The following SNAP91 variants were observed in gnomAD, a reference collection of about 807,000 sequenced individuals.
SNAP91 encodes clathrin coat assembly protein AP180.
Under a neutral mutation model 100.3 loss-of-function variants are expected in SNAP91, and 27 were observed. The observed-to-expected ratio is 0.27, with a 90% confidence interval of 0.20 to 0.37. The LOEUF (loss-of-function observed/expected upper bound fraction) is 0.37, where lower values mean the gene tolerates loss of function less well. Among genes scored for constraint, SNAP91 ranks in the 10% least tolerant of loss-of-function variants. SNAP91 has a pLI of 1.00. For missense variants in SNAP91, 986 were observed against 1,123.7 expected (o/e 0.88, Z 1.75); for synonymous variants, 404 against 398.6 (o/e 1.01, Z -0.16).
chr6:83,556,125 A>G lies in SNAP91; in HGVS notation c.*10+18T>C. The G allele has an allele frequency of 1.5e-6, 2 of 1,375,908 alleles. No homozygotes were observed. The highest frequency in any genetic ancestry group is 2.0e-6 in the Non-Finnish European group (2 of 987,130). The allele number at this position is 1,375,908 out of a possible 1,614,324, so 85.2% of individuals were successfully genotyped here. A position where few individuals can be genotyped will look rare whatever the true frequency, so the allele number is the denominator to read the frequency against. On this transcript the variant is annotated intron_variant, in intron 29 of 29. Coordinates refer to ENST00000369694, the MANE Select transcript of SNAP91 (RefSeq NM_001242792.2). The stretch of plus-strand genomic sequence containing the variant: ...GCTCATTATTACAAGCCTACAGGAA[A>G]AGCTCAATATTAGATACCTTAAATT...
intron 2 of SNAP91, among the ~76,000 whole-genome samples, chr6:83,676,832 A>G (rs2098913370): frequency 6.6e-6 from 1 of 152,172 alleles, no homozygotes; most frequent in Admixed American, 6.6e-5. Flanking sequence ...TTAATAGTTC[A>G]GGTGAGTGGT....
Position 83,610,675 on chromosome 6 carries a change from G to A in SNAP91, c.887C>T (p.Ser296Phe). ...EGKKPGNNEG[S>F]GAPSPLSKSS... ...CTTACTTAATGGAGAGGGAGCACCA[G>A]ATCTAAAAGGCAACATAAAAAAAAA... is the stretch of plus-strand genomic sequence containing the variant. The change falls in exon 12 of 30, where the codon TCT (serine) becomes TTT (phenylalanine). Residue 296 changes from serine (S) to phenylalanine (F), a missense_variant and splice_region_variant. Transcript: ENST00000369694. The A allele has an allele frequency of 1.9e-6, 1 of 524,796 alleles. No individual in the cohort carries two copies. Among genetic ancestry groups the A allele is most frequent in the East Asian group, 3.2e-5 (1 of 31,364 alleles). 32.5% of individuals were successfully genotyped at this position (524,796 alleles called of 1,614,324 possible). A position where few individuals can be genotyped will look rare whatever the true frequency, so the allele number is the denominator to read the frequency against.
intron 24 of SNAP91, among the ~76,000 whole-genome samples, chr6:83,578,168 T>C (rs967697344): frequency 6.6e-6 from 1 of 152,176 alleles, no homozygotes; most frequent in African/African-American, 2.4e-5. Flanking sequence ...TGAATAACAA[T>C]ACTATAAACA....
chr6:83,673,702 T>A (rs1254936916), intron 2 of SNAP91, among the ~76,000 whole-genome samples: 1 of 152,172 alleles, frequency 6.6e-6, no homozygotes, highest in Admixed American at 6.5e-5. Context: ...TGACAGACAT[T>A]AACATTGCCT....
Position 83,556,172 on chromosome 6 carries a change from T to A in SNAP91, c.2705A>T (p.Asn902Ile). 1 of 1,566,330 alleles carries A rather than the reference T, an allele frequency of 6.4e-7. No individual in the cohort carries two copies. The highest frequency in any genetic ancestry group is 1.9e-5 in the Admixed American group (1 of 52,776). Residue 902 changes from asparagine to isoleucine, a missense_variant, in exon 29 of 30, where the codon AAC becomes ATC. Physicochemically the swap from Asn to Ile is moderately radical, Grantham distance 149. This residue lies in a region of SNAP91 where 71 missense variants were observed against 68.5 expected (regional missense o/e 1.04). Coordinates refer to ENST00000369694, the MANE Select transcript of SNAP91 (RefSeq NM_001242792.2). The stretch of plus-strand genomic sequence containing the variant: ...AATTGTTTACAAGAAATCCTTGATG[T>A]TAAGATCCGCTAATGGGTCCTTTGC... ...PPAKDPLADL[N>I]IKDFL
At chr6:83,672,733 C>G (rs1294791405) in intron 2 of SNAP91, among the ~76,000 whole-genome samples, 1 of 152,016 alleles carries the variant, frequency 6.6e-6, no homozygotes, top group African/African-American at 2.4e-5. Flanking sequence ...ATATTATAGG[C>G]CAATTCTCTC....
At chr6:83,661,374 C>T in intron 5 of SNAP91, 128 bp downstream of exon 5, 1 of 555,150 alleles carries the variant, frequency 1.8e-6, no homozygotes, top group Non-Finnish European at 3.2e-6. Flanking sequence ...TATTGAGTTC[C>T]TTTTTTTAGG....
At chr6:83,621,373 C>T (rs1037732191) in intron 9 of SNAP91, among the ~76,000 whole-genome samples, 4 of 152,052 alleles carry the variant, frequency 2.6e-5, no homozygotes, top group South Asian at 2.1e-4. Flanking sequence ...ATTTATGTGG[C>T]GCTTAAGGTC....
At chr6:83,673,483 A>T (rs958332593) in intron 2 of SNAP91, among the ~76,000 whole-genome samples, 2 of 152,176 alleles carry the variant, frequency 1.3e-5, no homozygotes, top group African/African-American at 4.8e-5. Flanking sequence ...GTTGTTTATA[A>T]GCATCTAGTC....
intron 8 of SNAP91, among the ~76,000 whole-genome samples, chr6:83,626,361 T>A (rs779117365): frequency 6.6e-6 from 1 of 152,118 alleles, no homozygotes; most frequent in Non-Finnish European, 1.5e-5. Context: ...TGGCTTCATA[T>A]AAATTTAGAA....
intron 26 of SNAP91, among the ~76,000 whole-genome samples, chr6:83,567,637 C>T (rs1388044415): frequency 6.6e-6 from 1 of 152,112 alleles, no homozygotes; most frequent in Non-Finnish European, 1.5e-5. Context: ...CCTCAAAGAA[C>T]TCAAACAAAT....
chr6:83,620,149 C>T (rs1052683412), intron 9 of SNAP91, among the ~76,000 whole-genome samples: 4 of 152,110 alleles, frequency 2.6e-5, no homozygotes, highest in East Asian at 1.9e-4. Context: ...AAAAGATATC[C>T]ATTAAATTCA....
chr6:83,697,572 A>G (rs2129030637), intron 2 of SNAP91, among the ~76,000 whole-genome samples: 1 of 152,234 alleles, frequency 6.6e-6, no homozygotes, highest in East Asian at 1.9e-4. Flanking sequence ...TTTTCCCCAG[A>G]TTAAATCGTT....
At position 83,601,480 on chromosome 6, in the gene SNAP91, A is replaced by C. The variant is rs374939276; in HGVS notation, c.1157-42T>G. The C allele has an allele frequency of 4.3e-6, 7 of 1,612,942 alleles. No individual in the cohort carries two copies. In the African/African-American group the frequency reaches 8.0e-5, roughly 18 times the overall value. ...ACAGAGAGCAAACGGAGAGAAGAAA[A>C]GCAAAGGACAAAAGATATACCAGAC... On this transcript the variant is annotated intron_variant, in intron 15 of 29. Coordinates refer to ENST00000369694, the MANE Select transcript of SNAP91 (RefSeq NM_001242792.2).
At chr6:83,623,438 A>T in intron 8 of SNAP91, 96 bp from the exon 9 acceptor site, 1 of 813,368 alleles carries the variant, frequency 1.2e-6, no homozygotes, top group Non-Finnish European at 2.0e-6. Flanking sequence ...AAACAGCTCA[A>T]TATTGGTGTA....
intron 3 of SNAP91, 105 bp downstream of exon 3, chr6:83,665,334 C>T: frequency 8.9e-7 from 1 of 1,122,576 alleles, no homozygotes; most frequent in African/African-American, 1.6e-5. Context: ...ATTTCCTTTT[C>T]TTTTTCTCCT....
At chr6:83,642,898 G>A (rs986247364) in intron 7 of SNAP91, among the ~76,000 whole-genome samples, 2 of 152,258 alleles carry the variant, frequency 1.3e-5, no homozygotes, top group African/African-American at 4.8e-5. Context: ...GGTGTAAGAT[G>A]GTATCTCATT....
At chr6:83,651,472 T>C (rs1377293124) in intron 7 of SNAP91, among the ~76,000 whole-genome samples, 1 of 152,212 alleles carries the variant, frequency 6.6e-6, no homozygotes, top group Non-Finnish European at 1.5e-5. Context: ...AAAATATTCT[T>C]ACATTTCTCT....
At chr6:83,635,165 G>C (rs1340548700) in intron 8 of SNAP91, among the ~76,000 whole-genome samples, 2 of 152,126 alleles carry the variant, frequency 1.3e-5, no homozygotes, top group South Asian at 2.1e-4. Context: ...AATTGGTCTA[G>C]TGTCAAATTT....
Sources: gnomAD v4.1 joint callset for allele counts (sites outside exome capture counted in the v4.1 genomes callset) on GRCh38, gnomAD v4.1.1 for gene constraint, gnomAD v4.1.1 regional missense constraint, MANE v1.5 for transcripts, NCBI Gene and HGNC (gene_info 2026-07-23, HGNC 2026-07-21) for gene names.